The following RFTN2 variants were observed in gnomAD, a reference collection of about 807,000 sequenced individuals.
RFTN2 encodes the protein raftlin-2.
Under a neutral mutation model 52.7 loss-of-function variants are expected in RFTN2, and 34 were observed. That is an observed-to-expected ratio of 0.64 (90% CI 0.49 to 0.86). The LOEUF (loss-of-function observed/expected upper bound fraction) is 0.86, where lower values mean the gene tolerates loss of function less well. Among genes scored for constraint, RFTN2 ranks in the 40% least tolerant of loss-of-function variants. The probability of loss-of-function intolerance (pLI) is 0.00; values close to 1 mark genes in which losing one functional copy is unlikely to be tolerated. For synonymous variants in RFTN2, 203 were observed against 217.7 expected (o/e 0.93, Z 0.59); for missense variants, 536 against 600.1 (o/e 0.89, Z 1.12).
At chr2:197,619,467 A>G (rs1057123832) in intron 5 of RFTN2, among the ~76,000 whole-genome samples, 2 of 152,044 alleles carry the variant, frequency 1.3e-5, no homozygotes, top group African/African-American at 2.4e-5. Context: ...TCTCTGAAAC[A>G]TGTGCTGTAT....
chr2:197,642,404 T>G (rs1339189850), intron 3 of RFTN2, among the ~76,000 whole-genome samples: 2 of 152,230 alleles, frequency 1.3e-5, no homozygotes, highest in Non-Finnish European at 2.9e-5. Flanking sequence ...ATGTACAACT[T>G]TTTTGTTTTA....
intron 8 of RFTN2, among the ~76,000 whole-genome samples, chr2:197,591,661 G>A (rs1221833487): frequency 6.6e-6 from 1 of 152,192 alleles, no homozygotes; most frequent in African/African-American, 2.4e-5. Context: ...GTGGAGCGGG[G>A]GGGCTCAGGC....
At chr2:197,595,739 G>A (rs1230748028) in intron 8 of RFTN2, among the ~76,000 whole-genome samples, 1 of 152,208 alleles carries the variant, frequency 6.6e-6, no homozygotes, top group Non-Finnish European at 1.5e-5. Flanking sequence ...TTCCTCCTGT[G>A]TCTGCTGTTT....
At chr2:197,620,672 C>T (rs2088248393) in intron 5 of RFTN2, among the ~76,000 whole-genome samples, 1 of 152,088 alleles carries the variant, frequency 6.6e-6, no homozygotes, top group African/African-American at 2.4e-5. Context: ...GAGTGGTTCC[C>T]AAGAACCCAG....
intron 8 of RFTN2, among the ~76,000 whole-genome samples, chr2:197,573,221 A>G (rs1357225119): frequency 6.6e-6 from 1 of 152,184 alleles, no homozygotes; most frequent in Non-Finnish European, 1.5e-5. Flanking sequence ...AATGTGGGAA[A>G]CTTTGGAACT....
At chr2:197,604,740 C>CTATT (rs111347809) in intron 7 of RFTN2, among the ~76,000 whole-genome samples, 1,959 of 150,428 alleles carry the variant, frequency 0.013, 14 homozygotes, top group East Asian at 0.031. Flanking sequence ...TATGCACATT[C>CTATT]TATTTATTTA....
At chr2:197,633,328 A>T (rs71422661) in intron 4 of RFTN2, among the ~76,000 whole-genome samples, 3,129 of 152,310 alleles carry the variant, frequency 0.021, 63 homozygotes, top group Non-Finnish European at 0.031. Context: ...ATGAAATGGG[A>T]AAGGCCAAAA....
chr2:197,649,344 AATGAT>A (rs2088794819), intron 1 of RFTN2, among the ~76,000 whole-genome samples: 1 of 152,208 alleles, frequency 6.6e-6, no homozygotes, highest in Non-Finnish European at 1.5e-5. Flanking sequence ...TCCTCATTTT[AATGAT>A]ATTACAATGA....
intron 1 of RFTN2, among the ~76,000 whole-genome samples, chr2:197,671,704 T>C (rs1318946697): frequency 6.6e-6 from 1 of 152,242 alleles, no homozygotes; most frequent in African/African-American, 2.4e-5. Flanking sequence ...GAATTTCTTG[T>C]TCTAATAATA....
At chr2:197,619,011 G>T (rs2088205039) in intron 5 of RFTN2, among the ~76,000 whole-genome samples, 1 of 151,502 alleles carries the variant, frequency 6.6e-6, no homozygotes, top group Admixed American at 6.6e-5. Context: ...GGGAGGTGGG[G>T]GGGTCAGCCC....
chr2:197,575,508 G>A (rs902632647), intron 8 of RFTN2, among the ~76,000 whole-genome samples: 3 of 152,090 alleles, frequency 2.0e-5, no homozygotes, highest in Non-Finnish European at 4.4e-5. Context: ...ATCAACTGTG[G>A]ATGTTTTTGC....
At chr2:197,627,562 A>G (rs2088385940) in intron 5 of RFTN2, among the ~76,000 whole-genome samples, 1 of 152,204 alleles carries the variant, frequency 6.6e-6, no homozygotes, top group Non-Finnish European at 1.5e-5. Flanking sequence ...GTGCCACACA[A>G]ACATTTTTAT....
chr2:197,633,190 C>A (rs562574503), intron 4 of RFTN2, among the ~76,000 whole-genome samples: 1 of 152,290 alleles, frequency 6.6e-6, no homozygotes, highest in East Asian at 1.9e-4. Context: ...AAGAATACAA[C>A]TGTTGTTCAA....
intron 8 of RFTN2, among the ~76,000 whole-genome samples, chr2:197,593,203 C>G (rs1355733379): frequency 6.6e-6 from 1 of 151,810 alleles, no homozygotes; most frequent in African/African-American, 2.4e-5. Flanking sequence ...AAAGATTACC[C>G]AAAGAAAAGC....
intron 1 of RFTN2, among the ~76,000 whole-genome samples, chr2:197,673,221 C>G (rs2089171051): frequency 6.6e-6 from 1 of 152,138 alleles, no homozygotes; most frequent in Admixed American, 6.6e-5. Context: ...CTATTCAAGC[C>G]TCCTCCCAGC....
intron 5 of RFTN2, among the ~76,000 whole-genome samples, chr2:197,628,456 C>T (rs980094681): frequency 2.6e-4 from 39 of 152,220 alleles, no homozygotes; most frequent in African/African-American, 8.9e-4. Flanking sequence ...TGGCTGGCAA[C>T]TGCTGTGGCT....
At chr2:197,623,167 ATAAAT>A (rs1356367441) in intron 5 of RFTN2, among the ~76,000 whole-genome samples, 7 of 152,212 alleles carry the variant, frequency 4.6e-5, no homozygotes, top group Admixed American at 1.3e-4. Context: ...TCTGGGCAAA[ATAAAT>A]TAAAACCTTC....
At chr2:197,666,485 G>A (rs887208430) in intron 1 of RFTN2, among the ~76,000 whole-genome samples, 2 of 152,192 alleles carry the variant, frequency 1.3e-5, no homozygotes, top group African/African-American at 4.8e-5. Context: ...GGCCTGTAAA[G>A]TTTCTGCTGA....
intron 8 of RFTN2, among the ~76,000 whole-genome samples, chr2:197,591,319 T>C (rs2087709205): frequency 6.6e-6 from 1 of 152,162 alleles, no homozygotes; most frequent in African/African-American, 2.4e-5. Flanking sequence ...ATTAGCTAGA[T>C]ACAGAGTGCC....
Sources: allele counts gnomAD v4.1 joint callset (sites outside exome capture counted in the v4.1 genomes callset), GRCh38; gene constraint gnomAD v4.1.1; transcripts MANE v1.5; gene names NCBI Gene and HGNC (gene_info 2026-07-23, HGNC 2026-07-21).